The following DIABLO variants were observed in gnomAD, a reference collection of about 807,000 sequenced individuals.
DIABLO encodes diablo homolog, mitochondrial.
A neutral mutation model predicts 31.7 loss-of-function variants in DIABLO; 32 were observed. The observed-to-expected ratio is 1.01, with a 90% CI of 0.76 to 1.35. DIABLO has a LOEUF of 1.35. Among genes scored for constraint, DIABLO ranks in the 40% most tolerant of loss-of-function variants. The pLI, the probability that DIABLO is intolerant of heterozygous loss-of-function variation, is 0.00. For missense variants in DIABLO, 316 were observed against 286.4 expected, an observed-to-expected ratio of 1.10 and a Z score of -0.75; for synonymous variants, 132 against 103.2, an observed-to-expected ratio of 1.28 and a Z score of -1.69.
intron 5 of DIABLO, chr12:122,209,062 T>A: frequency 3.5e-6 from 1 of 286,432 alleles, no homozygotes; most frequent in Non-Finnish European, 6.8e-6. Context: ...ATTTTTTCAC[T>A]TAAACATGTT....
chr12:122,222,607 G>A (rs1479807953), intron 2 of DIABLO: 1 of 151,658 alleles, frequency 6.6e-6, no homozygotes, highest in Admixed American at 6.6e-5. Context: ...GGAATCTAGA[G>A]CAGTGGTCCC....
At chr12:122,225,636 C>G in intron 1 of DIABLO, 1 of 1,300,136 alleles carries the variant, frequency 7.7e-7, no homozygotes, top group Non-Finnish European at 9.8e-7. Flanking sequence ...TCCCCCCATG[C>G]CGTGTCCCTC....
At chr12:122,211,265 G>T (rs964080770) in intron 5 of DIABLO, among the ~76,000 whole-genome samples, 1 of 151,758 alleles carries the variant, frequency 6.6e-6, no homozygotes, top group Non-Finnish European at 1.5e-5. Flanking sequence ...AATCGGGCGT[G>T]GTGGTGACTG....
intron 1 of DIABLO, chr12:122,225,416 C>T: frequency 1.0e-6 from 1 of 997,538 alleles, no homozygotes; most frequent in Non-Finnish European, 1.2e-6. Context: ...AAAATGTTGC[C>T]TTTAAACTTT....
At chr12:122,226,341 G>C, upstream of DIABLO, 1 of 629,364 alleles carries the variant, frequency 1.6e-6, no homozygotes, top group Admixed American at 2.3e-5. Flanking sequence ...GCCAGGGCTT[G>C]AAGGGAATTT....
intron 5 of DIABLO, among the ~76,000 whole-genome samples, chr12:122,210,769 TAGAG>T (rs921542347): frequency 2.2e-4 from 34 of 152,078 alleles, no homozygotes; most frequent in Admixed American, 5.2e-4. Context: ...TATGTAAATT[TAGAG>T]GGAGGGGGCA....
chr12:122,215,883 GAAAAAAAA>G (rs60645708), intron 5 of DIABLO, among the ~76,000 whole-genome samples: 44 of 94,246 alleles, frequency 4.7e-4, no homozygotes, highest in Non-Finnish European at 5.7e-4. Context: ...TTTTATGAAG[GAAAAAAAA>G]AAAAAAAAAA....
At chr12:122,226,083 C>G (rs1217351874), upstream of DIABLO, 3 of 1,552,622 alleles carry the variant, frequency 1.9e-6, no homozygotes, top group South Asian at 3.5e-5. Context: ...GAGCGGGGCA[C>G]GGCCTCCACC....
intron 5 of DIABLO, among the ~76,000 whole-genome samples, chr12:122,215,712 G>C (rs1380291740): frequency 6.6e-6 from 1 of 151,706 alleles, no homozygotes; most frequent in Non-Finnish European, 1.5e-5. Flanking sequence ...CAAAGCACTG[G>C]CTGCTGGGAG....
Position 122,208,572 on chromosome 12 carries a change from C to G in DIABLO, c.529G>C (p.Asp177His). 1 of 1,612,418 alleles carries G rather than the reference C, an allele frequency of 6.2e-7. No individual in the cohort carries two copies. Among genetic ancestry groups the G allele is most frequent in the Non-Finnish European group, 8.5e-7 (1 of 1,180,010 alleles). The change falls in exon 6 of 6, where the codon GAT becomes CAT. Residue 177 changes from aspartate to histidine, a missense_variant. By Grantham distance (81) the Asp-to-His change is moderately conservative. Transcript: ENST00000464942. ...TTCCTGGCGGTTATAGAGGCCTGAT[C>G]TGCGCCTGCCAAAAGATGGGACAAT... is the stretch of plus-strand genomic sequence containing the variant. The part of the protein sequence containing the change: ...AAEAAYQTGA[D>H]QASITARNHI...
intron 5 of DIABLO, among the ~76,000 whole-genome samples, chr12:122,211,077 TAAA>T (rs1156571584): frequency 0.015 from 217 of 14,316 alleles, no homozygotes; most frequent in South Asian, 0.029. Context: ...TAGTTAAAAG[TAAA>T]AAAAAAAAAA....
intron 5 of DIABLO, among the ~76,000 whole-genome samples, chr12:122,210,203 G>A (rs937476491): frequency 6.6e-6 from 1 of 152,064 alleles, no homozygotes; most frequent in African/African-American, 2.4e-5. Flanking sequence ...GGCTATGCTG[G>A]CTTCATACAG....
At chr12:122,223,229 G>T (rs1420504527) in intron 2 of DIABLO, among the ~76,000 whole-genome samples, 2 of 151,578 alleles carry the variant, frequency 1.3e-5, no homozygotes, top group African/African-American at 4.9e-5. Flanking sequence ...GAGGTCAGGG[G>T]TTCGTGACCA....
intron 2 of DIABLO, 32 bp downstream of exon 2, chr12:122,224,480 C>G: frequency 6.2e-7 from 1 of 1,613,592 alleles, no homozygotes; most frequent in Non-Finnish European, 8.5e-7. Context: ...GGACACGGTA[C>G]ACTAGATAAG....
upstream of DIABLO, chr12:122,226,235 C>G: frequency 1.3e-6 from 1 of 767,002 alleles, no homozygotes; most frequent in South Asian, 1.5e-5. Context: ...CCGCGCGGGG[C>G]GGGGCATATG....
chr12:122,211,336 T>C (rs1954085060), intron 5 of DIABLO, among the ~76,000 whole-genome samples: 1 of 151,932 alleles, frequency 6.6e-6, no homozygotes, highest in African/African-American at 2.4e-5. Flanking sequence ...GAGGCAGAAG[T>C]AACGGTGAGC....
At chr12:122,220,758 G>A (rs1019086007) in intron 2 of DIABLO, 4 of 152,298 alleles carry the variant, frequency 2.6e-5, no homozygotes, top group Admixed American at 2.0e-4. Flanking sequence ...ACTGCATGTT[G>A]AAAGAGGCAG....
At chr12:122,225,350 G>A in intron 1 of DIABLO, 3 of 960,932 alleles carry the variant, frequency 3.1e-6, no homozygotes, top group Non-Finnish European at 3.7e-6. Flanking sequence ...TCTCGCCACT[G>A]CACTCCAGCC....
intron 5 of DIABLO, among the ~76,000 whole-genome samples, chr12:122,210,507 G>C (rs1954059509): frequency 6.6e-6 from 1 of 151,374 alleles, no homozygotes. Flanking sequence ...TGAGTAGCTG[G>C]GACTACAGGT....
Sources: gnomAD v4.1 joint callset for allele counts (sites outside exome capture counted in the v4.1 genomes callset) on GRCh38, gnomAD v4.1.1 for gene constraint, MANE v1.5 for transcripts, NCBI Gene and HGNC (gene_info 2026-07-23, HGNC 2026-07-21) for gene names.